GRID2: variants seen among roughly 807,000 people sequenced by gnomAD.
The protein encoded by GRID2 is glutamate receptor ionotropic, delta-2.
Under a neutral mutation model 114.8 loss-of-function variants are expected in GRID2, and 33 were observed. The observed-to-expected ratio is 0.29, with a 90% CI of 0.22 to 0.38. GRID2 has a LOEUF of 0.38. GRID2 is among the 10% of genes least tolerant of loss of function. GRID2 has a pLI of 1.00. For synonymous variants in GRID2, 505 were observed against 449.9 expected (o/e 1.12, Z -1.55); for missense variants, 1,184 against 1,257.7 (o/e 0.94, Z 0.89).
chr4:92,923,594 C>G (rs536616488), intron 2 of GRID2, among the ~76,000 whole-genome samples: 1 of 151,940 alleles, frequency 6.6e-6, no homozygotes, highest in Non-Finnish European at 1.5e-5. Context: ...GTTATAAAAG[C>G]CAACCAAAAA....
chr4:93,574,514 G>A (rs980907830), intron 13 of GRID2, among the ~76,000 whole-genome samples: 2 of 152,168 alleles, frequency 1.3e-5, no homozygotes, highest in South Asian at 2.1e-4. Flanking sequence ...ATGGCAGAAG[G>A]CAAGGAGAAG....
chr4:92,748,052 C>T (rs1737241555), intron 2 of GRID2, among the ~76,000 whole-genome samples: 1 of 152,136 alleles, frequency 6.6e-6, no homozygotes. Flanking sequence ...TATGTTTTTG[C>T]CTGACTCCTT....
chr4:93,198,242 G>T (rs1397249361), intron 4 of GRID2, among the ~76,000 whole-genome samples: 1 of 152,202 alleles, frequency 6.6e-6, no homozygotes, highest in Non-Finnish European at 1.5e-5. Flanking sequence ...CACAGAAAGA[G>T]ATGGTAAATA....
At chr4:93,434,827 G>T (rs954304264) in intron 10 of GRID2, among the ~76,000 whole-genome samples, 6 of 152,080 alleles carry the variant, frequency 3.9e-5, no homozygotes, top group African/African-American at 1.4e-4. Flanking sequence ...TTCCCTTTGT[G>T]ATCTCTTTAT....
At chr4:93,496,649 C>T (rs1727576662) in intron 12 of GRID2, among the ~76,000 whole-genome samples, 1 of 151,710 alleles carries the variant, frequency 6.6e-6, no homozygotes, top group East Asian at 1.9e-4. Flanking sequence ...TCGAAAATGG[C>T]TTTCTTATTG....
At chr4:92,460,032 C>CTCTCTCTCTCTATATATA (rs749790235) in intron 1 of GRID2, among the ~76,000 whole-genome samples, 4 of 48,434 alleles carry the variant, frequency 8.3e-5, no homozygotes, top group African/African-American at 4.0e-4. Context: ...ATAAATCTCA[C>CTCTCTCTCTCTATATATA]TATATATATA....
intron 14 of GRID2, among the ~76,000 whole-genome samples, chr4:93,703,044 C>A (rs889463465): frequency 6.6e-6 from 1 of 152,056 alleles, no homozygotes; most frequent in Non-Finnish European, 1.5e-5. Context: ...CATTTTCACT[C>A]TTACTTGATA....
intron 12 of GRID2, among the ~76,000 whole-genome samples, chr4:93,502,474 A>G (rs1371200180): frequency 6.9e-6 from 1 of 144,952 alleles, no homozygotes; most frequent in Non-Finnish European, 1.5e-5. Flanking sequence ...GCAAATCTGA[A>G]AAAAAAAATC....
intron 1 of GRID2, among the ~76,000 whole-genome samples, chr4:92,444,186 G>A (rs113486418): frequency 2.6e-5 from 4 of 152,174 alleles, no homozygotes; most frequent in South Asian, 2.1e-4. Flanking sequence ...CCCCCGATCC[G>A]AGTCATGGCA....
At chr4:93,200,220 T>C (rs1288156349) in intron 4 of GRID2, among the ~76,000 whole-genome samples, 2 of 152,170 alleles carry the variant, frequency 1.3e-5, no homozygotes, top group African/African-American at 4.8e-5. Flanking sequence ...TGTTTTTAAA[T>C]AGGGATAAAA....
intron 11 of GRID2, among the ~76,000 whole-genome samples, chr4:93,477,727 G>T (rs1725457202): frequency 6.6e-6 from 1 of 152,114 alleles, no homozygotes; most frequent in African/African-American, 2.4e-5. Flanking sequence ...GTGGATATTA[G>T]TGCATTTCAT....
At chr4:92,959,914 T>C (rs1752684707) in intron 2 of GRID2, among the ~76,000 whole-genome samples, 1 of 151,900 alleles carries the variant, frequency 6.6e-6, no homozygotes, top group Non-Finnish European at 1.5e-5. Flanking sequence ...AGATGATGGG[T>C]TGATGAGTGC....
At chr4:93,442,743 T>C (rs1721738495) in intron 10 of GRID2, among the ~76,000 whole-genome samples, 1 of 152,024 alleles carries the variant, frequency 6.6e-6, no homozygotes, top group Admixed American at 6.6e-5. Flanking sequence ...AGTAGACCAC[T>C]TCCCCAATTG....
chr4:93,362,939 G>A (rs1762008456), intron 8 of GRID2, among the ~76,000 whole-genome samples: 1 of 152,148 alleles, frequency 6.6e-6, no homozygotes, highest in African/African-American at 2.4e-5. Flanking sequence ...CTTACCTGCA[G>A]CGGGGCACGG....
chr4:92,886,695 G>C (rs1746391535), intron 2 of GRID2, among the ~76,000 whole-genome samples: 1 of 152,004 alleles, frequency 6.6e-6, no homozygotes, highest in Non-Finnish European at 1.5e-5. Flanking sequence ...GAGCGATTTA[G>C]GCTCACTGCA....
At chr4:93,011,400 A>G (rs1722125770) in intron 2 of GRID2, among the ~76,000 whole-genome samples, 1 of 152,024 alleles carries the variant, frequency 6.6e-6, no homozygotes, top group African/African-American at 2.4e-5. Flanking sequence ...TGATAAAAAA[A>G]TTCAGGCCAT....
chr4:93,382,605 G>A (rs1006255450), intron 8 of GRID2, among the ~76,000 whole-genome samples: 11 of 151,660 alleles, frequency 7.3e-5, no homozygotes, highest in East Asian at 1.9e-4. Flanking sequence ...CTTTATGGAC[G>A]TTTATAATTT....
chr4:92,542,197 T>C (rs1387757232), intron 1 of GRID2, among the ~76,000 whole-genome samples: 1 of 152,042 alleles, frequency 6.6e-6, no homozygotes, highest in East Asian at 1.9e-4. Flanking sequence ...TACTATTTAT[T>C]CTCTACTTGG....
intron 8 of GRID2, among the ~76,000 whole-genome samples, chr4:93,292,770 A>C (rs1753882710): frequency 6.6e-6 from 1 of 152,176 alleles, no homozygotes; most frequent in African/African-American, 2.4e-5. Flanking sequence ...CTGAAACATA[A>C]AGTTTGGCTT....
Sources: gnomAD v4.1 joint callset for allele counts (sites outside exome capture counted in the v4.1 genomes callset) on GRCh38, gnomAD v4.1.1 for gene constraint, MANE v1.5 for transcripts, NCBI Gene and HGNC (gene_info 2026-07-23, HGNC 2026-07-21) for gene names.